Variants in TFDP2 observed in about 807,000 individuals in gnomAD.
TFDP2 encodes transcription factor Dp-2 (E2F dimerization partner 2).
Under a neutral mutation model 59.3 loss-of-function variants are expected in TFDP2, and 17 were observed. That is an observed-to-expected ratio of 0.29 (90% CI 0.20 to 0.43). The LOEUF is 0.43. Among genes scored for constraint, TFDP2 ranks in the 20% least tolerant of loss-of-function variants. The pLI, the probability that TFDP2 is intolerant of heterozygous loss-of-function variation, is 1.00. For synonymous variants in TFDP2, 180 were observed against 194.7 expected, an observed-to-expected ratio of 0.92 and a Z score of 0.63; for missense variants, 391 against 528.8, an observed-to-expected ratio of 0.74 and a Z score of 2.56.
At chr3:141,966,247 A>G (rs1938043749) in intron 9 of TFDP2, among the ~76,000 whole-genome samples, 1 of 151,838 alleles carries the variant, frequency 6.6e-6, no homozygotes, top group African/African-American at 2.4e-5. Flanking sequence ...ATCTCAGCTC[A>G]CTGCAACCTC....
chr3:141,964,094 T>A, intron 9 of TFDP2, 131 bp from the exon 10 acceptor site: 1 of 744,356 alleles, frequency 1.3e-6, no homozygotes, highest in Non-Finnish European at 2.1e-6. Flanking sequence ...CACTAATGAA[T>A]TAATTTAAAA....
chr3:141,977,125 TTTTCC>T (rs1424492687), intron 7 of TFDP2, among the ~76,000 whole-genome samples: 31 of 111,528 alleles, frequency 2.8e-4, no homozygotes, highest in African/African-American at 8.1e-4. Flanking sequence ...TTTTTTTTTT[TTTTCC>T]CCCCAAAGAG....
chr3:142,038,648 GA>G (rs1946810490), intron 3 of TFDP2, among the ~76,000 whole-genome samples: 1 of 151,766 alleles, frequency 6.6e-6, no homozygotes, highest in Non-Finnish European at 1.5e-5. Flanking sequence ...CACACAGGAG[GA>G]AACAAAAATC....
At chr3:142,075,972 A>T (rs1008898338) in intron 3 of TFDP2, among the ~76,000 whole-genome samples, 3 of 150,494 alleles carry the variant, frequency 2.0e-5, no homozygotes, top group Non-Finnish European at 4.4e-5. Context: ...GCACTTCAGG[A>T]GGCTGAGGCG....
intron 9 of TFDP2, among the ~76,000 whole-genome samples, chr3:141,969,835 C>T (rs1007568724): frequency 1.3e-5 from 2 of 152,142 alleles, no homozygotes; most frequent in African/African-American, 4.8e-5. Flanking sequence ...TGAACTGCTG[C>T]CTGGCGTAAG....
At chr3:142,045,812 G>A (rs1947318577) in intron 3 of TFDP2, among the ~76,000 whole-genome samples, 1 of 149,162 alleles carries the variant, frequency 6.7e-6, no homozygotes, top group Admixed American at 6.7e-5. Context: ...TAGTAGGGAT[G>A]GGATTTCACC....
At chr3:141,967,554 A>G (rs1036277645) in intron 9 of TFDP2, among the ~76,000 whole-genome samples, 1 of 152,112 alleles carries the variant, frequency 6.6e-6, no homozygotes, top group Non-Finnish European at 1.5e-5. Flanking sequence ...TCCGCCTCCC[A>G]AAGTGCTGGG....
At chr3:142,000,027 G>A (rs753208583) in intron 4 of TFDP2, among the ~76,000 whole-genome samples, 3 of 152,122 alleles carry the variant, frequency 2.0e-5, no homozygotes, top group Non-Finnish European at 4.4e-5. Flanking sequence ...GAGCCACCAC[G>A]CCCAGCCTAA....
intron 3 of TFDP2, among the ~76,000 whole-genome samples, chr3:142,090,545 TTTTC>T (rs749465919): frequency 1.2e-4 from 18 of 151,810 alleles, no homozygotes; most frequent in Non-Finnish European, 2.2e-4. Context: ...TTGGAAGCAT[TTTTC>T]TTTCTTTCTT....
At chr3:141,973,932 A>G in intron 8 of TFDP2, 116 bp downstream of exon 8, 1 of 1,199,006 alleles carries the variant, frequency 8.3e-7, no homozygotes, top group African/African-American at 1.6e-5. Flanking sequence ...TTAAAAAATG[A>G]CATGGTATAC....
chr3:142,131,571 A>T (rs2062503430), intron 1 of TFDP2, among the ~76,000 whole-genome samples: 1 of 150,558 alleles, frequency 6.6e-6, no homozygotes, highest in African/African-American at 2.5e-5. Flanking sequence ...TAAATTTATG[A>T]TTAGCAACAA....
chr3:141,972,812 A>C (rs959116332), intron 8 of TFDP2, among the ~76,000 whole-genome samples: 3 of 152,118 alleles, frequency 2.0e-5, no homozygotes, highest in African/African-American at 7.2e-5. Context: ...ATTAAGCACA[A>C]GGTAGATGTG....
At chr3:142,147,512 AAG>A (rs961900006) in intron 1 of TFDP2, among the ~76,000 whole-genome samples, 3 of 152,212 alleles carry the variant, frequency 2.0e-5, no homozygotes, top group African/African-American at 7.2e-5. Flanking sequence ...ACACATTCAC[AAG>A]AGTCAGGGTG....
At chr3:142,049,085 A>C (rs1560086456) in intron 3 of TFDP2, among the ~76,000 whole-genome samples, 1 of 152,246 alleles carries the variant, frequency 6.6e-6, no homozygotes, top group East Asian at 1.9e-4. Context: ...CTCTGAAAAT[A>C]GTGAGAGAAA....
chr3:142,142,944 A>T (rs576059590), intron 1 of TFDP2, among the ~76,000 whole-genome samples: 1 of 152,218 alleles, frequency 6.6e-6, no homozygotes, highest in Non-Finnish European at 1.5e-5. Flanking sequence ...CATACACAAA[A>T]ATCAAATCAG....
rs143462188 is a variant in TFDP2 at position 142,046,780 on chromosome 3, C to T, written c.83-41236G>A. Among the ~76,000 whole-genome samples the T allele has an allele frequency of 1.3e-3, 192 of 152,172 alleles. 1 individual carries two copies. Among genetic ancestry groups the T allele is most frequent in the African/African-American group, 4.4e-3 (181 of 41,516 alleles). ...CCTGGCACATTTTAATCTGTATTGC[C>T]AATCTCTATTTGTAGCTTTGCTTTT... is the stretch of plus-strand genomic sequence containing the variant. On this transcript the variant is annotated intron_variant, in intron 3 of 12. Transcript: ENST00000489671.
At chr3:142,124,789 T>C (rs1193948665) in intron 1 of TFDP2, among the ~76,000 whole-genome samples, 1 of 152,138 alleles carries the variant, frequency 6.6e-6, no homozygotes, top group African/African-American at 2.4e-5. Flanking sequence ...GGAAAAATTG[T>C]ATCTGCAACT....
intron 6 of TFDP2, among the ~76,000 whole-genome samples, chr3:141,982,757 A>G (rs1195820535): frequency 6.6e-6 from 1 of 152,196 alleles, no homozygotes; most frequent in Non-Finnish European, 1.5e-5. Flanking sequence ...CTATTATAAA[A>G]CAGTGATGGC....
chr3:142,033,296 A>C (rs183889317), intron 3 of TFDP2, among the ~76,000 whole-genome samples: 92 of 152,374 alleles, frequency 6.0e-4, no homozygotes, highest in South Asian at 1.2e-3. Flanking sequence ...GCTAACAGCT[A>C]CTGTATTGAA....
Sources: gnomAD v4.1 joint callset for allele counts (sites outside exome capture counted in the v4.1 genomes callset) on GRCh38, gnomAD v4.1.1 for gene constraint, MANE v1.5 for transcripts, NCBI Gene and HGNC (gene_info 2026-07-23, HGNC 2026-07-21) for gene names.